The following PDE3B variants were observed in gnomAD, a reference collection of about 807,000 sequenced individuals.
The protein encoded by PDE3B is phosphodiesterase 3B.
Under a neutral mutation model 116.8 loss-of-function variants are expected in PDE3B, and 66 were observed. The ratio of observed to expected loss-of-function variants is 0.56; its 90% CI spans 0.46 to 0.69. The LOEUF (loss-of-function observed/expected upper bound fraction) is 0.69. Ranked by LOEUF, PDE3B falls within the 30% of genes least tolerant of loss-of-function variation. The pLI, the probability that PDE3B is intolerant of heterozygous loss-of-function variation, is 0.00. For synonymous variants in PDE3B, 595 were observed against 533.6 expected (o/e 1.12, Z -1.59); for missense variants, 1,384 against 1,368.1 (o/e 1.01, Z -0.18).
intron 1 of PDE3B, among the ~76,000 whole-genome samples, chr11:14,650,764 T>C (rs942796208): frequency 7.2e-5 from 11 of 151,952 alleles, no homozygotes; most frequent in Non-Finnish European, 2.9e-5. Context: ...CCATCTTTGC[T>C]AGCTTTGGTG....
At chr11:14,785,197 T>G (rs1177446029) in intron 2 of PDE3B, among the ~76,000 whole-genome samples, 1 of 152,150 alleles carries the variant, frequency 6.6e-6, no homozygotes, top group Non-Finnish European at 1.5e-5. Flanking sequence ...TAATTTGCAT[T>G]CAGCAATTCA....
At chr11:14,886,654 C>A in the PDE3B span, 1 of 152,176 alleles carries the variant, frequency 6.6e-6, no homozygotes, top group African/African-American at 2.4e-5. Context: ...TCTAGTTAAC[C>A]CAATATAAGA....
At chr11:14,686,394 C>T (rs1475634577) in intron 1 of PDE3B, among the ~76,000 whole-genome samples, 1 of 152,098 alleles carries the variant, frequency 6.6e-6, no homozygotes, top group African/African-American at 2.4e-5. Flanking sequence ...AGTGCTTAAA[C>T]TATACTTTAA....
chr11:14,835,786 C>G (rs1323109455), intron 11 of PDE3B, among the ~76,000 whole-genome samples: 1 of 152,022 alleles, frequency 6.6e-6, no homozygotes, highest in Non-Finnish European at 1.5e-5. Flanking sequence ...AGCAAGACCC[C>G]ATCTCTACAA....
At chr11:14,783,464 A>G (rs1459805745) in intron 2 of PDE3B, among the ~76,000 whole-genome samples, 2 of 152,260 alleles carry the variant, frequency 1.3e-5, no homozygotes, top group Non-Finnish European at 2.9e-5. Context: ...TTGTAGGGAC[A>G]TGGATGAAGC....
At chr11:14,717,393 A>C in intron 1 of PDE3B, among the ~76,000 whole-genome samples, 1 of 100,552 alleles carries the variant, frequency 9.9e-6, no homozygotes, top group African/African-American at 4.0e-5. Context: ...AGGCAGGCCA[A>C]CATTCAGATT....
chr11:14,886,114 C>T, the PDE3B span: 18 of 592,154 alleles, frequency 3.0e-5, no homozygotes, highest in Non-Finnish European at 4.8e-5. Flanking sequence ...TTTCATTATG[C>T]CATTCAGTGC....
chr11:14,674,054 G>T, intron 1 of PDE3B: 1 of 1,522,276 alleles, frequency 6.6e-7, no homozygotes, highest in Non-Finnish European at 9.1e-7. Flanking sequence ...TCATCAACAA[G>T]CCACAGTTTT....
intron 1 of PDE3B, among the ~76,000 whole-genome samples, chr11:14,660,112 T>G (rs1853845521): frequency 6.6e-6 from 1 of 152,076 alleles, no homozygotes; most frequent in African/African-American, 2.4e-5. Context: ...CGAAATTAAT[T>G]CCAGACTTGG....
chr11:14,766,506 A>G lies in PDE3B; in HGVS notation c.979-5431A>G, dbSNP rs1001525055. 2.6e-5 allele frequency among the ~76,000 whole-genome samples: 4 copies of G among 151,686 alleles called. No individual in the cohort carries two copies. The East Asian group carries it at 7.7e-4, about 29-fold the overall frequency. On this transcript the variant is annotated intron_variant, in intron 1 of 15. Transcript: ENST00000282096. Reference sequence around the variant, plus strand: ...GCTCTTTTTGCTCTTTATATTTTATATTTACTTTTAAATATTTTATTTGCT... The same window carrying G: ...GCTCTTTTTGCTCTTTATATTTTATGTTTACTTTTAAATATTTTATTTGCT...
At chr11:14,687,469 A>G (rs1854909709) in intron 1 of PDE3B, among the ~76,000 whole-genome samples, 1 of 152,196 alleles carries the variant, frequency 6.6e-6, no homozygotes, top group South Asian at 2.1e-4. Context: ...GCAAACTGCT[A>G]ATGCAACTGG....
intron 1 of PDE3B, among the ~76,000 whole-genome samples, chr11:14,721,288 G>C (rs1417085060): frequency 6.6e-6 from 1 of 152,166 alleles, no homozygotes; most frequent in Non-Finnish European, 1.5e-5. Flanking sequence ...GTGCTGGAGA[G>C]GATGTGGAGA....
At position 14,867,342 on chromosome 11, in the gene PDE3B, A is replaced by G. The variant is rs530997744; in HGVS notation, c.2887-164A>G. 5.9e-5 allele frequency among the ~76,000 whole-genome samples: 9 copies of G among 152,354 alleles called. No homozygotes were observed. The South Asian group carries it at 1.9e-3, about 32-fold the overall frequency. On this transcript the variant is annotated intron_variant, in intron 14 of 15. Transcript: ENST00000282096. ...AATAAAGTTTTGTTTAGGATTTCTC[A>G]ATGTTAAATTCTTACAGTTGAAATG...
intron 1 of PDE3B, among the ~76,000 whole-genome samples, chr11:14,756,888 G>C (rs1459076726): frequency 6.6e-6 from 1 of 150,406 alleles, no homozygotes; most frequent in African/African-American, 2.5e-5. Flanking sequence ...TGCCATGCTG[G>C]TGTGCTGCAC....
chr11:14,682,789 T>G (rs1453636511), intron 1 of PDE3B, among the ~76,000 whole-genome samples: 2 of 152,030 alleles, frequency 1.3e-5, no homozygotes, highest in East Asian at 1.9e-4. Context: ...TTTTGTTGTT[T>G]TTTTTTTAAT....
chr11:14,730,085 A>G (rs749658999), intron 1 of PDE3B, among the ~76,000 whole-genome samples: 10 of 152,156 alleles, frequency 6.6e-5, no homozygotes, highest in Non-Finnish European at 1.2e-4. Flanking sequence ...CCAAAAATGA[A>G]CACTCACTTG....
At chr11:14,793,655 C>T (rs1393828240) in intron 4 of PDE3B, among the ~76,000 whole-genome samples, 1 of 152,070 alleles carries the variant, frequency 6.6e-6, no homozygotes, top group Non-Finnish European at 1.5e-5. Context: ...AACAGGTTTT[C>T]CCTGGGGAAA....
chr11:14,668,823 C>G (rs1384002429), intron 1 of PDE3B, among the ~76,000 whole-genome samples: 1 of 152,006 alleles, frequency 6.6e-6, no homozygotes, highest in Non-Finnish European at 1.5e-5. Flanking sequence ...GTAAACACTA[C>G]TATGTCAAAA....
rs369343281 is a variant in PDE3B, at chr11:14,849,503, C to A, written c.2520+5477C>A. 5.2e-3 allele frequency among the ~76,000 whole-genome samples: 795 copies of A among 152,074 alleles called. 4 individuals are homozygous for A. Among genetic ancestry groups the A allele is most frequent in the African/African-American group, 0.015 (632 of 41,482 alleles). Reference sequence around the variant, plus strand: ...TTGACAAATGGGATCTAATTAAACTCAAGAGCTTCTGCACAGCAAAAGAAA... The same window carrying A: ...TTGACAAATGGGATCTAATTAAACTAAAGAGCTTCTGCACAGCAAAAGAAA... On this transcript the variant is annotated intron_variant, in intron 12 of 15. Transcript: ENST00000282096.
Sources: gnomAD v4.1 joint callset for allele counts (sites outside exome capture counted in the v4.1 genomes callset) on GRCh38, gnomAD v4.1.1 for gene constraint, MANE v1.5 for transcripts, NCBI Gene and HGNC (gene_info 2026-07-23, HGNC 2026-07-21) for gene names.